Variants in PARD3B observed in about 807,000 individuals in gnomAD.
PARD3B encodes partitioning defective 3 homolog B.
A neutral mutation model predicts 130.2 loss-of-function variants in PARD3B; 103 were observed. The observed-to-expected ratio is 0.79, with a 90% CI of 0.67 to 0.93. The LOEUF is 0.93. Ranked by LOEUF, PARD3B falls within the 40% of genes least tolerant of loss-of-function variation. PARD3B has a pLI of 0.00. For missense variants in PARD3B, 1,609 were observed against 1,499.2 expected (o/e 1.07, Z -1.21); for synonymous variants, 583 against 553.2 (o/e 1.05, Z -0.76).
intron 3 of PARD3B, among the ~76,000 whole-genome samples, chr2:205,016,529 T>C (rs10497880): frequency 0.081 from 12,266 of 152,236 alleles, 592 homozygotes; most frequent in Non-Finnish European, 0.1. Context: ...ACCCATAGGA[T>C]CATTTCTTTC....
chr2:205,150,917 G>A lies in PARD3B; in HGVS notation c.1435-7805G>A, dbSNP rs953072456. ...GTTAGGAGGAATAAGTTCAAGAGGT[G>A]TATCCTACTACATAGTGACTATAGT... is the stretch of plus-strand genomic sequence containing the variant. On this transcript the variant is annotated intron_variant, in intron 10 of 22. Coordinates refer to ENST00000406610, the MANE Select transcript of PARD3B (RefSeq NM_001302769.2). 4.6e-5 allele frequency among the ~76,000 whole-genome samples: 7 copies of A among 151,206 alleles called. No individual in the cohort carries two copies. In the South Asian group the frequency reaches 1.5e-3, roughly 32 times the overall value.
chr2:205,041,993 G>A (rs1340769204), intron 3 of PARD3B, among the ~76,000 whole-genome samples: 1 of 152,126 alleles, frequency 6.6e-6, no homozygotes, highest in Non-Finnish European at 1.5e-5. Context: ...TCCACTGAGA[G>A]GGAGAGGGAG....
At chr2:204,696,237 A>G (rs2037605367) in intron 2 of PARD3B, among the ~76,000 whole-genome samples, 1 of 152,002 alleles carries the variant, frequency 6.6e-6, no homozygotes, top group Non-Finnish European at 1.5e-5. Context: ...CTTCCGTTAA[A>G]TCATGACCTG....
chr2:205,182,822 G>A (rs963132820), intron 13 of PARD3B, among the ~76,000 whole-genome samples: 1 of 152,160 alleles, frequency 6.6e-6, no homozygotes, highest in Non-Finnish European at 1.5e-5. Flanking sequence ...TGGTGGCTGG[G>A]CACCTCGTCA....
chr2:205,462,921 G>A (rs932474165), intron 20 of PARD3B, among the ~76,000 whole-genome samples: 1 of 152,144 alleles, frequency 6.6e-6, no homozygotes. Flanking sequence ...TCCACGTATT[G>A]TAATGAACCA....
chr2:205,010,653 G>C (rs1001973350), intron 3 of PARD3B, among the ~76,000 whole-genome samples: 1 of 152,036 alleles, frequency 6.6e-6, no homozygotes, highest in Non-Finnish European at 1.5e-5. Context: ...ATCTTGAATC[G>C]ATTGCATTGC....
At chr2:205,262,387 T>C (rs72940348) in intron 16 of PARD3B, among the ~76,000 whole-genome samples, 11,488 of 152,096 alleles carry the variant, frequency 0.076, 518 homozygotes, top group East Asian at 0.21. Context: ...TTCTCCTTTG[T>C]TTCTATAAAT....
At chr2:204,613,590 T>G (rs1292656216) in intron 1 of PARD3B, among the ~76,000 whole-genome samples, 2 of 152,114 alleles carry the variant, frequency 1.3e-5, no homozygotes, top group Non-Finnish European at 2.9e-5. Context: ...TTCTTTTTTT[T>G]GGCCACCTAT....
chr2:205,003,970 A>C (rs1416621151), intron 3 of PARD3B, among the ~76,000 whole-genome samples: 1 of 152,198 alleles, frequency 6.6e-6, no homozygotes, highest in Non-Finnish European at 1.5e-5. Context: ...AAAGAATTAC[A>C]AAGTGGGGTC....
At chr2:204,897,808 A>G (rs2046694646) in intron 2 of PARD3B, among the ~76,000 whole-genome samples, 1 of 151,972 alleles carries the variant, frequency 6.6e-6, no homozygotes, top group African/African-American at 2.4e-5. Flanking sequence ...CTTAATCGGA[A>G]TGTTGTGGTA....
chr2:205,565,611 C>A (rs767508763), intron 22 of PARD3B, among the ~76,000 whole-genome samples: 4 of 152,122 alleles, frequency 2.6e-5, no homozygotes, highest in Non-Finnish European at 5.9e-5. Flanking sequence ...TCAGTTTGTC[C>A]TTTTTCTGGT....
At chr2:205,319,388 A>G (rs1249846665) in intron 18 of PARD3B, among the ~76,000 whole-genome samples, 2 of 152,222 alleles carry the variant, frequency 1.3e-5, no homozygotes, top group Non-Finnish European at 2.9e-5. Context: ...CCATCTCTAG[A>G]ACACTTGATT....
At position 205,277,771 on chromosome 2, in the gene PARD3B, T is replaced by A. The variant is rs529499342; in HGVS notation, c.2186-22759T>A. 2.5e-3 allele frequency among the ~76,000 whole-genome samples: 380 copies of A among 152,182 alleles called. 1 individual carries two copies. The highest frequency in any genetic ancestry group is 8.3e-3 in the African/African-American group (343 of 41,514). On this transcript the variant is annotated intron_variant, in intron 16 of 22. Transcript: ENST00000406610. ...AGTAAGATGAGTGAGAGAGGCCAGG[T>A]CAAGAAGGCCTTTGTAAATCATCCC...
At chr2:205,489,563 T>TATAC (rs1372749601) in intron 20 of PARD3B, among the ~76,000 whole-genome samples, 31 of 145,664 alleles carry the variant, frequency 2.1e-4, no homozygotes, top group Non-Finnish European at 3.4e-4. Context: ...TATATACATA[T>TATAC]ATATACACAC....
chr2:204,733,871 C>G (rs2125345882), intron 2 of PARD3B, among the ~76,000 whole-genome samples: 1 of 152,176 alleles, frequency 6.6e-6, no homozygotes, highest in East Asian at 1.9e-4. Flanking sequence ...GATCATAGAA[C>G]CATAAAATTT....
chr2:204,629,021 A>AG (rs2034586423), intron 1 of PARD3B, among the ~76,000 whole-genome samples: 1 of 152,140 alleles, frequency 6.6e-6, no homozygotes, highest in African/African-American at 2.4e-5. Context: ...AGCTTGGAGG[A>AG]GATAACCAGT....
At chr2:205,387,629 C>T (rs752821852) in intron 18 of PARD3B, among the ~76,000 whole-genome samples, 12 of 152,024 alleles carry the variant, frequency 7.9e-5, no homozygotes, top group Non-Finnish European at 1.8e-4. Context: ...AAATAACCTT[C>T]CAAAATGAAA....
intron 21 of PARD3B, among the ~76,000 whole-genome samples, chr2:205,523,815 CTT>C (rs11307073): frequency 0.092 from 11,121 of 121,448 alleles, 360 homozygotes; most frequent in African/African-American, 0.13. Context: ...CTCTGATAAC[CTT>C]TTTTTTTTTT....
Position 205,381,278 on chromosome 2 carries a change from T to G in PARD3B, c.2631-19735T>G, listed in dbSNP as rs1038220880. ...TATATATATAATATATATGTGGACA[T>G]TTATTTGCCCATGGTATATAGTACA... is the stretch of plus-strand genomic sequence containing the variant. On this transcript the variant is annotated intron_variant, in intron 18 of 22. Transcript: ENST00000406610. Among the ~76,000 whole-genome samples, 176 of 143,328 alleles carry G rather than the reference T, an allele frequency of 1.2e-3. 1 individual carries two copies. Among genetic ancestry groups the G allele is most frequent in the Admixed American group, 3.4e-3 (45 of 13,424 alleles). 94.0% of individuals were successfully genotyped at this position (143,328 alleles called of 152,430 possible).
Sources: allele counts gnomAD v4.1 joint callset (sites outside exome capture counted in the v4.1 genomes callset), GRCh38; gene constraint gnomAD v4.1.1; transcripts MANE v1.5; gene names NCBI Gene and HGNC (gene_info 2026-07-23, HGNC 2026-07-21).